The following POM121C variants were observed in gnomAD, a reference collection of about 807,000 sequenced individuals.
POM121C encodes the protein POM121 transmembrane nucleoporin C, also known as nuclear envelope pore membrane protein POM 121C.
POM121C carries 20 observed loss-of-function variants against 66.4 expected under a neutral mutation model. That is an observed-to-expected ratio of 0.30 (90% CI 0.21 to 0.44). The LOEUF (loss-of-function observed/expected upper bound fraction) is 0.44. Ranked by LOEUF, POM121C falls within the 20% of genes least tolerant of loss-of-function variation. The pLI is 1.00. For synonymous variants in POM121C, 286 were observed against 528.0 expected, an observed-to-expected ratio of 0.54 and a Z score of 6.28; for missense variants, 580 against 1,225.7, an observed-to-expected ratio of 0.47 and a Z score of 7.87.
At chr7:75,476,272 C>CA (rs1554479340) in intron 1 of POM121C, among the ~76,000 whole-genome samples, 1 of 142,134 alleles carries the variant, frequency 7.0e-6, no homozygotes, top group Non-Finnish European at 1.5e-5. Context: ...GCCTAGGCAA[C>CA]AGAGCGAGAC....
chr7:75,457,166 TAAATA>T (rs1372971884), intron 3 of POM121C, among the ~76,000 whole-genome samples: 1 of 133,240 alleles, frequency 7.5e-6, no homozygotes, highest in Admixed American at 7.5e-5. Flanking sequence ...AATAAATAAA[TAAATA>T]AATAAATAAA....
At chr7:75,453,582 C>CAA (rs1174277234) in intron 3 of POM121C, among the ~76,000 whole-genome samples, 1 of 73,754 alleles carries the variant, frequency 1.4e-5, no homozygotes, top group Non-Finnish European at 2.8e-5. Flanking sequence ...AACTCGGACT[C>CAA]AAAAAAAAAA....
chr7:75,457,334 CT>C (rs1368939009), intron 3 of POM121C, among the ~76,000 whole-genome samples: 1 of 140,260 alleles, frequency 7.1e-6, no homozygotes, highest in Non-Finnish European at 1.5e-5. Flanking sequence ...TATACCCTGT[CT>C]TATCTGTTAG....
At chr7:75,432,981 T>C (rs1790243223) in intron 7 of POM121C, among the ~76,000 whole-genome samples, 1 of 152,080 alleles carries the variant, frequency 6.6e-6, no homozygotes, top group Admixed American at 6.6e-5. Flanking sequence ...ACAGCTGTAA[T>C]CCCAGCACTT....
At chr7:75,436,978 T>C (rs764742870) in intron 7 of POM121C, among the ~76,000 whole-genome samples, 27 of 152,316 alleles carry the variant, frequency 1.8e-4, no homozygotes, top group Non-Finnish European at 3.5e-4. Flanking sequence ...CTGTTCCTTA[T>C]ACTATGCAAT....
At chr7:75,439,955 G>A (rs1198555929) in intron 5 of POM121C, among the ~76,000 whole-genome samples, 2 of 146,938 alleles carry the variant, frequency 1.4e-5, no homozygotes, top group African/African-American at 2.5e-5. Context: ...GTCTCGGCTC[G>A]CTGCAACCTC....
At chr7:75,432,140 G>A (rs236671) in intron 7 of POM121C, among the ~76,000 whole-genome samples, 53,117 of 146,924 alleles carry the variant, frequency 0.36, 12,303 homozygotes, top group East Asian at 0.88. Context: ...AGCCGAGATC[G>A]CGCCACTACA....
chr7:75,462,168 C>T (rs587633744), intron 3 of POM121C, among the ~76,000 whole-genome samples: 2 of 147,098 alleles, frequency 1.4e-5, no homozygotes, highest in Admixed American at 6.8e-5. Flanking sequence ...ATCACGGGCG[C>T]GGTTTGCCCT....
intron 1 of POM121C, among the ~76,000 whole-genome samples, chr7:75,478,293 T>C (rs1792169585): frequency 6.6e-6 from 1 of 152,138 alleles, no homozygotes; most frequent in Non-Finnish European, 1.5e-5. Context: ...AAGGCACTGA[T>C]TATCAGGCAG....
intron 3 of POM121C, among the ~76,000 whole-genome samples, chr7:75,452,864 T>C (rs1279698620): frequency 6.6e-6 from 1 of 152,186 alleles, no homozygotes; most frequent in African/African-American, 2.4e-5. Flanking sequence ...AGGTACCACC[T>C]GTAAGTAAAA....
chr7:75,417,626 A>C lies in POM121C; in HGVS notation c.*1170T>G, dbSNP rs1459247925. The C allele has an allele frequency of 1.0e-6, 1 of 984,202 alleles. No individual in the cohort carries two copies. Among genetic ancestry groups the C allele is most frequent in the Non-Finnish European group, 1.2e-6 (1 of 828,594 alleles). 61.0% of individuals were successfully genotyped at this position (984,202 alleles called of 1,614,324 possible). A position where few individuals can be genotyped will look rare whatever the true frequency, so the allele number is the denominator to read the frequency against. On this transcript the variant is annotated 3_prime_UTR_variant, in exon 15 of 15. Coordinates refer to ENST00000615331, the MANE Select transcript of POM121C (RefSeq NM_001099415.3). ...TTTTAAAAATATGGTTCATTAATTT[A>C]GGTTTTCTAACATCTACTTTGGGTG...
At chr7:75,459,832 C>A (rs1791387583) in intron 3 of POM121C, among the ~76,000 whole-genome samples, 1 of 141,654 alleles carries the variant, frequency 7.1e-6, no homozygotes, top group African/African-American at 2.6e-5. Flanking sequence ...TTCAAGACAA[C>A]AATACCATAA....
At position 75,476,828 on chromosome 7, in the gene POM121C, C is replaced by T. The variant is rs2923690; in HGVS notation, c.-457-1640G>A. Among the ~76,000 whole-genome samples, 30 of 151,516 alleles carry T rather than the reference C, an allele frequency of 2.0e-4. No individual in the cohort carries two copies. In the East Asian group the frequency reaches 3.7e-3, roughly 19 times the overall value. ...AACAGACAAATAGGACTTATTCCAACAATATAGACTAGTTTAATATTTGGA... is the reference window on the plus strand; with the variant it reads ...AACAGACAAATAGGACTTATTCCAATAATATAGACTAGTTTAATATTTGGA... On this transcript the variant is annotated intron_variant, in intron 1 of 14. Coordinates refer to ENST00000615331, the MANE Select transcript of POM121C (RefSeq NM_001099415.3).
rs1554473206 is a variant in POM121C, at chr7:75,437,686, C to T, written c.309G>A (p.Lys103=). The T allele has an allele frequency of 6.3e-7, 1 of 1,593,644 alleles. No individual in the cohort carries two copies. Among genetic ancestry groups the T allele is most frequent in the South Asian group, 1.1e-5 (1 of 89,800 alleles). Residue 103 remains lysine (K), a splice_region_variant and synonymous_variant, in exon 7 of 15, where the codon AAG becomes AAA. Transcript: ENST00000615331. ...TGAGGCCTCTCTTCAGAGACCCAGGCCTAATAAAAGAGAAGACAGTTAGAT... is the reference window on the plus strand; with the variant it reads ...TGAGGCCTCTCTTCAGAGACCCAGGTCTAATAAAAGAGAAGACAGTTAGAT... ...ASGVPASFVP[K]PGSLKRGLNS... is the part of the protein sequence containing the mutation.
At position 75,419,332 on chromosome 7, in the gene POM121C, C is replaced by A; in HGVS notation, c.2854G>T (p.Val952Phe). ...SSAPAQGFVG[V>F]GPFGSAAPSF... ...GCTTGCTGCTTACCGAACGGTCCAA[C>A]ACCAACAAAGCCTTGGGCGGGTGCT... The change falls in exon 14 of 15, where the codon GTT becomes TTT. Residue 952 changes from valine (V) to phenylalanine (F), a missense_variant. Physicochemically the swap from Val to Phe is conservative, Grantham distance 50. Coordinates refer to ENST00000615331, the MANE Select transcript of POM121C (RefSeq NM_001099415.3). 1 of 1,613,234 alleles carries A rather than the reference C, an allele frequency of 6.2e-7. No homozygotes were observed. The highest frequency in any genetic ancestry group is 8.5e-7 in the Non-Finnish European group (1 of 1,179,530).
At chr7:75,478,091 C>T (rs1412795515) in intron 1 of POM121C, among the ~76,000 whole-genome samples, 7 of 152,086 alleles carry the variant, frequency 4.6e-5, no homozygotes, top group African/African-American at 9.7e-5. Flanking sequence ...CTCAGCCTCC[C>T]GAGTAGCTGG....
intron 1 of POM121C, chr7:75,484,432 G>C: frequency 2.5e-6 from 1 of 401,210 alleles, no homozygotes. Context: ...ATGTTGGCCA[G>C]GCTGGTCTCA....
chr7:75,432,115 G>A (rs1554472432), intron 7 of POM121C, among the ~76,000 whole-genome samples: 1 of 151,392 alleles, frequency 6.6e-6, no homozygotes, highest in Non-Finnish European at 1.5e-5. Context: ...AACCCAGGAG[G>A]TGGAGGTTGC....
At chr7:75,449,837 C>T (rs587727239) in intron 3 of POM121C, among the ~76,000 whole-genome samples, 1 of 151,994 alleles carries the variant, frequency 6.6e-6, no homozygotes, top group East Asian at 2.0e-4. Context: ...CCAACATGGC[C>T]AGGCCCGTCT....
Sources: allele counts gnomAD v4.1 joint callset (sites outside exome capture counted in the v4.1 genomes callset), GRCh38; gene constraint gnomAD v4.1.1; transcripts MANE v1.5; gene names NCBI Gene and HGNC (gene_info 2026-07-23, HGNC 2026-07-21).